The following DOCK3 variants were observed in gnomAD, a reference collection of about 807,000 sequenced individuals.
The protein encoded by DOCK3 is dedicator of cytokinesis 3, also known as dedicator of cytokinesis protein 3.
A neutral mutation model predicts 265.6 loss-of-function variants in DOCK3; 60 were observed. The observed-to-expected ratio is 0.23, with a 90% CI of 0.18 to 0.28. DOCK3 has a LOEUF of 0.28. DOCK3 is among the 10% of genes least tolerant of loss of function. DOCK3 has a pLI of 1.00. For synonymous variants in DOCK3, 881 were observed against 938.0 expected (o/e 0.94, Z 1.11); for missense variants, 1,981 against 2,594.3 (o/e 0.76, Z 5.14).
At chr3:50,797,035 G>T (rs1281770825) in intron 2 of DOCK3, among the ~76,000 whole-genome samples, 3 of 152,166 alleles carry the variant, frequency 2.0e-5, no homozygotes, top group Non-Finnish European at 4.4e-5. Context: ...AGTGCATTTT[G>T]TAGTGTGGTG....
intron 32 of DOCK3, among the ~76,000 whole-genome samples, chr3:51,320,170 C>T (rs948907769): frequency 5.9e-5 from 9 of 152,036 alleles, no homozygotes; most frequent in South Asian, 2.1e-4. Context: ...CCACAGAGGG[C>T]GAGCCAAAGC....
intron 12 of DOCK3, among the ~76,000 whole-genome samples, chr3:51,192,316 G>T (rs1393733525): frequency 6.6e-6 from 1 of 151,288 alleles, no homozygotes; most frequent in Non-Finnish European, 1.5e-5. Flanking sequence ...AAAAAAAATT[G>T]AAGAGGACGG....
At chr3:51,375,726 A>G (rs1469381377) in intron 50 of DOCK3, 22 bp from the exon 51 acceptor site, 1 of 1,613,732 alleles carries the variant, frequency 6.2e-7, no homozygotes, top group African/African-American at 1.3e-5. Flanking sequence ...CACTCTCTGT[A>G]ATGTTTATCT....
chr3:51,138,034 A>G (rs1243170300), intron 9 of DOCK3, among the ~76,000 whole-genome samples: 1 of 152,202 alleles, frequency 6.6e-6, no homozygotes, highest in East Asian at 1.9e-4. Flanking sequence ...CTATGTTTCT[A>G]CAGACTCCAT....
At chr3:50,952,313 A>G (rs1204096287) in intron 5 of DOCK3, among the ~76,000 whole-genome samples, 2 of 152,202 alleles carry the variant, frequency 1.3e-5, no homozygotes, top group Non-Finnish European at 2.9e-5. Context: ...CTTTGGATCA[A>G]AAACATGCAG....
intron 5 of DOCK3, among the ~76,000 whole-genome samples, chr3:50,993,456 G>T (rs1302734489): frequency 6.6e-6 from 1 of 152,156 alleles, no homozygotes; most frequent in African/African-American, 2.4e-5. Flanking sequence ...AGCCTGGAAT[G>T]ACTGGAAATA....
chr3:50,996,279 G>T (rs189033023), intron 5 of DOCK3, among the ~76,000 whole-genome samples: 1 of 150,770 alleles, frequency 6.6e-6, no homozygotes, highest in Non-Finnish European at 1.5e-5. Context: ...GTGCAGTGGC[G>T]CTATCTCGGC....
At chr3:51,318,194 C>T (rs2109723720) in intron 32 of DOCK3, among the ~76,000 whole-genome samples, 1 of 152,138 alleles carries the variant, frequency 6.6e-6, no homozygotes, top group South Asian at 2.1e-4. Flanking sequence ...GCCTGGCCAA[C>T]ACAGTGAAAC....
chr3:51,001,479 G>A (rs12496621), intron 5 of DOCK3, among the ~76,000 whole-genome samples: 10,902 of 152,154 alleles, frequency 0.072, 979 homozygotes, highest in East Asian at 0.33. Flanking sequence ...TCTCCTGGGT[G>A]TCAAAGTTGC....
At chr3:51,170,941 C>CA (rs146911259) in intron 12 of DOCK3, among the ~76,000 whole-genome samples, 2,965 of 59,090 alleles carry the variant, frequency 0.05, 144 homozygotes, top group African/African-American at 0.13. Context: ...GACTCCATCT[C>CA]AAAAAAAAAA....
intron 2 of DOCK3, among the ~76,000 whole-genome samples, chr3:50,785,391 G>C (rs945619684): frequency 6.6e-6 from 1 of 152,126 alleles, no homozygotes; most frequent in South Asian, 2.1e-4. Flanking sequence ...TCCATGTCTT[G>C]TTCCAGTTCT....
At chr3:51,002,221 T>C (rs906054739) in intron 5 of DOCK3, among the ~76,000 whole-genome samples, 3 of 152,212 alleles carry the variant, frequency 2.0e-5, no homozygotes, top group Non-Finnish European at 4.4e-5. Context: ...AGTGCTGAGA[T>C]TATAGGCATG....
intron 9 of DOCK3, among the ~76,000 whole-genome samples, chr3:51,100,524 T>C (rs948846435): frequency 2.6e-5 from 4 of 152,208 alleles, no homozygotes; most frequent in African/African-American, 9.6e-5. Flanking sequence ...GGCTCACCTC[T>C]GAACCATGCG....
intron 1 of DOCK3, among the ~76,000 whole-genome samples, chr3:50,757,231 T>C (rs891581655): frequency 5.4e-5 from 7 of 129,386 alleles, no homozygotes; most frequent in African/African-American, 2.0e-4. Flanking sequence ...AGTGCAATGG[T>C]GTGATCTCGG....
chr3:51,248,566 G>T (rs1445544289), intron 22 of DOCK3, among the ~76,000 whole-genome samples: 1 of 152,142 alleles, frequency 6.6e-6, no homozygotes, highest in Non-Finnish European at 1.5e-5. Context: ...CCAGCCGCCT[G>T]CCTTGGCCTC....
chr3:50,901,839 C>T (rs1233439528), intron 4 of DOCK3, among the ~76,000 whole-genome samples: 1 of 152,142 alleles, frequency 6.6e-6, no homozygotes, highest in African/African-American at 2.4e-5. Flanking sequence ...GAACCGTGTA[C>T]CTCACTTGGA....
intron 5 of DOCK3, among the ~76,000 whole-genome samples, chr3:51,005,592 C>CAAATACCAAGA (rs776384703): frequency 4.6e-5 from 7 of 152,150 alleles, no homozygotes; most frequent in Non-Finnish European, 7.4e-5. Flanking sequence ...GTATTTATCT[C>CAAATACCAAGA]AATGGTTTAG....
At chr3:50,792,274 T>C (rs2042519772) in intron 2 of DOCK3, among the ~76,000 whole-genome samples, 1 of 152,190 alleles carries the variant, frequency 6.6e-6, no homozygotes, top group Admixed American at 6.5e-5. Flanking sequence ...TGTTGGTGTA[T>C]AGGAACTCTA....
intron 1 of DOCK3, among the ~76,000 whole-genome samples, chr3:50,773,481 A>G (rs1002908648): frequency 6.6e-6 from 1 of 152,168 alleles, no homozygotes; most frequent in African/African-American, 2.4e-5. Context: ...ATTTTAAACA[A>G]TGAAGGCTGT....
Sources: gnomAD v4.1 joint callset for allele counts (sites outside exome capture counted in the v4.1 genomes callset) on GRCh38, gnomAD v4.1.1 for gene constraint, MANE v1.5 for transcripts, NCBI Gene and HGNC (gene_info 2026-07-23, HGNC 2026-07-21) for gene names.